The following MAN1A2 variants were observed in gnomAD, a reference collection of about 807,000 sequenced individuals.
MAN1A2 encodes the protein mannosidase alpha class 1A member 2.
In MAN1A2, 26 loss-of-function variants were observed where a neutral mutation model predicts 75.7. The observed-to-expected ratio is 0.34, with a 90% CI of 0.25 to 0.48. The LOEUF is 0.48. MAN1A2 is among the 20% of genes least tolerant of loss of function. The probability of loss-of-function intolerance (pLI) is 0.99; values close to 1 mark genes in which losing one functional copy is unlikely to be tolerated. For missense variants in MAN1A2, 562 were observed against 775.5 expected, an observed-to-expected ratio of 0.72 and a Z score of 3.27; for synonymous variants, 247 against 264.6, an observed-to-expected ratio of 0.93 and a Z score of 0.65.
At chr1:117,521,049 C>CAA (rs1651856889) in intron 12 of MAN1A2, among the ~76,000 whole-genome samples, 1 of 150,462 alleles carries the variant, frequency 6.6e-6, no homozygotes, top group Admixed American at 6.6e-5. Context: ...ACAAAGCAAA[C>CAA]AAACAAAGTG....
intron 8 of MAN1A2, among the ~76,000 whole-genome samples, chr1:117,487,839 AT>A (rs1221013505): frequency 6.6e-6 from 1 of 152,034 alleles, no homozygotes; most frequent in Non-Finnish European, 1.5e-5. Flanking sequence ...TTGTTTTAAT[AT>A]TTTACAAGTT....
intron 5 of MAN1A2, among the ~76,000 whole-genome samples, chr1:117,428,014 TA>T (rs1405015929): frequency 1.3e-5 from 2 of 152,068 alleles, no homozygotes; most frequent in Non-Finnish European, 2.9e-5. Flanking sequence ...GTTAAGGACA[TA>T]ATTAATCCCT....
chr1:117,431,485 T>G (rs1648658253), intron 5 of MAN1A2, among the ~76,000 whole-genome samples: 1 of 152,194 alleles, frequency 6.6e-6, no homozygotes, highest in Non-Finnish European at 1.5e-5. Flanking sequence ...GATGTAGAAG[T>G]CCCGAATGAC....
chr1:117,509,955 T>C (rs984620717), intron 12 of MAN1A2, among the ~76,000 whole-genome samples: 4 of 151,666 alleles, frequency 2.6e-5, no homozygotes, highest in Non-Finnish European at 5.9e-5. Flanking sequence ...ATAATATATA[T>C]CCTTTAGCCT....
intron 9 of MAN1A2, chr1:117,493,489 AT>A (rs1178668787): frequency 1.5e-4 from 51 of 345,920 alleles, no homozygotes; most frequent in African/African-American, 8.5e-4. Flanking sequence ...TGAAGAAAGA[AT>A]TTATTGTAGT....
intron 4 of MAN1A2, among the ~76,000 whole-genome samples, chr1:117,418,089 C>G (rs1347007825): frequency 1.3e-5 from 2 of 152,112 alleles, no homozygotes; most frequent in East Asian, 1.9e-4. Context: ...TAACTCATCC[C>G]CCTTTTGTTT....
intron 8 of MAN1A2, 121 bp from the exon 9 acceptor site, chr1:117,493,026 T>C: frequency 1.6e-6 from 1 of 608,898 alleles, no homozygotes; most frequent in Non-Finnish European, 3.0e-6. Context: ...GAAATAGGGT[T>C]GTCAATGTAA....
At chr1:117,465,781 C>A (rs1649962164) in intron 7 of MAN1A2, among the ~76,000 whole-genome samples, 1 of 152,064 alleles carries the variant, frequency 6.6e-6, no homozygotes, top group African/African-American at 2.4e-5. Context: ...ATTTTTCTTT[C>A]CCCCTTACTC....
chr1:117,523,253 C>T lies in MAN1A2; in HGVS notation c.*296C>T. The T allele has an allele frequency of 1.9e-6, 1 of 528,256 alleles. No homozygotes were observed. The highest frequency in any genetic ancestry group is 2.3e-5 in the Admixed American group (1 of 44,188). The allele number at this position is 528,256 out of a possible 1,614,324, so 32.7% of individuals were successfully genotyped here. A position where few individuals can be genotyped will look rare whatever the true frequency, so the allele number is the denominator to read the frequency against. ...GTTACTACTGTATTGTTTTTAGAGT[C>T]CTGAAGTCTGGAGGCTAGACTTCCT... On this transcript the variant is annotated 3_prime_UTR_variant, in exon 13 of 13. Coordinates refer to ENST00000356554, the MANE Select transcript of MAN1A2 (RefSeq NM_006699.5).
intron 3 of MAN1A2, among the ~76,000 whole-genome samples, chr1:117,410,386 G>A (rs1188304400): frequency 6.6e-6 from 1 of 151,818 alleles, no homozygotes; most frequent in Non-Finnish European, 1.5e-5. Flanking sequence ...AACATCCATC[G>A]ATGATAAAAA....
intron 8 of MAN1A2, among the ~76,000 whole-genome samples, chr1:117,485,182 G>A (rs1027387414): frequency 4.6e-5 from 7 of 151,912 alleles, no homozygotes; most frequent in Non-Finnish European, 1.0e-4. Flanking sequence ...GCTTCCATGT[G>A]CTTTGGTTTT....
chr1:117,465,716 A>G (rs575529675), intron 7 of MAN1A2, among the ~76,000 whole-genome samples: 11 of 152,228 alleles, frequency 7.2e-5, no homozygotes, highest in African/African-American at 2.4e-5. Flanking sequence ...CCTAATCTAT[A>G]GTTGAATCAA....
chr1:117,414,892 T>C, intron 4 of MAN1A2, 61 bp downstream of exon 4: 1 of 987,858 alleles, frequency 1.0e-6, no homozygotes, highest in Middle Eastern at 2.1e-4. Flanking sequence ...AATGTCTAAC[T>C]GCTATGGTCT....
intron 8 of MAN1A2, among the ~76,000 whole-genome samples, chr1:117,479,847 A>G (rs1650437907): frequency 6.6e-6 from 1 of 151,796 alleles, no homozygotes; most frequent in African/African-American, 2.4e-5. Flanking sequence ...TTTTATCCCT[A>G]GAAATCTTCT....
chr1:117,457,561 A>C (rs1649643073), intron 6 of MAN1A2, among the ~76,000 whole-genome samples: 5 of 152,124 alleles, frequency 3.3e-5, no homozygotes, highest in Admixed American at 3.3e-4. Flanking sequence ...AAAAATTTAA[A>C]AACCTTATTT....
At chr1:117,483,724 A>G (rs1650575302) in intron 8 of MAN1A2, among the ~76,000 whole-genome samples, 1 of 152,090 alleles carries the variant, frequency 6.6e-6, no homozygotes, top group Non-Finnish European at 1.5e-5. Context: ...AATCCCCTTT[A>G]TGTCTTTCTC....
At position 117,458,498 on chromosome 1, in the gene MAN1A2, T is replaced by TATATATATATAG. The variant is rs1557959025; in HGVS notation, c.951-1980_951-1979insGATATATATATA. 7.0e-3 allele frequency among the ~76,000 whole-genome samples: 628 copies of TATATATATATAG among 89,322 alleles called. 7 individuals are homozygous for TATATATATATAG. The highest frequency in any genetic ancestry group is 0.039 in the African/African-American group (567 of 14,360). The allele number at this position is 89,322 out of a possible 152,430, so 58.6% of individuals were successfully genotyped here. A position where few individuals can be genotyped will look rare whatever the true frequency, so the allele number is the denominator to read the frequency against. On this transcript the variant is annotated intron_variant, in intron 6 of 12. Coordinates refer to ENST00000356554, the MANE Select transcript of MAN1A2 (RefSeq NM_006699.5). ...ATAAGATGAGAAATATATATATATC[T>TATATATATATAG]ATATATATATATAGATATATATATA...
At chr1:117,498,784 C>T (rs72691728) in intron 10 of MAN1A2, among the ~76,000 whole-genome samples, 11,576 of 151,886 alleles carry the variant, frequency 0.076, 495 homozygotes, top group Middle Eastern at 0.15. Context: ...AACTTTCCAG[C>T]AGGTTATTAT....
chr1:117,437,654 C>T (rs1648888726), intron 5 of MAN1A2, among the ~76,000 whole-genome samples: 1 of 152,088 alleles, frequency 6.6e-6, no homozygotes, highest in Admixed American at 6.5e-5. Flanking sequence ...TTGTGAAATA[C>T]ATTACTTATT....
Sources: allele counts gnomAD v4.1 joint callset (sites outside exome capture counted in the v4.1 genomes callset), GRCh38; gene constraint gnomAD v4.1.1; transcripts MANE v1.5; gene names NCBI Gene and HGNC (gene_info 2026-07-23, HGNC 2026-07-21).